Variants in LRRC17 observed in about 807,000 individuals in gnomAD.
LRRC17 encodes the protein leucine rich repeat containing 17, also known as leucine-rich repeat-containing protein 17.
LRRC17 carries 33 observed loss-of-function variants against 41.5 expected under a neutral mutation model. That is an observed-to-expected ratio of 0.80 (90% CI 0.60 to 1.06). The LOEUF is 1.06. Among genes scored for constraint, LRRC17 ranks in the 50% least tolerant of loss-of-function variants. LRRC17 has a pLI of 0.00. For synonymous variants in LRRC17, 192 were observed against 197.0 expected, an observed-to-expected ratio of 0.97 and a Z score of 0.21; for missense variants, 491 against 519.3, an observed-to-expected ratio of 0.95 and a Z score of 0.53.
intron 3 of LRRC17, chr7:102,942,366 G>C (rs1385522711): frequency 6.5e-7 from 1 of 1,531,404 alleles, no homozygotes; most frequent in African/African-American, 1.4e-5. Context: ...TGCAGTGGGA[G>C]TTGCCAGACT....
rs561168270 is a variant in LRRC17 at position 102,943,722 on chromosome 7, C to A, written c.929-488C>A. ...ATTACATATACGTTTTCAGGACAAG[C>A]AATAACGAATCCTTAAGGAAGAAGA... On this transcript the variant is annotated intron_variant, in intron 3 of 3. Transcript: ENST00000339431. Among the ~76,000 whole-genome samples, 13 of 152,284 alleles carry A rather than the reference C, an allele frequency of 8.5e-5. No homozygotes were observed. The East Asian group carries it at 2.5e-3, about 29-fold the overall frequency.
At position 102,944,727 on chromosome 7, in the gene LRRC17, C is replaced by A; in HGVS notation, c.*120C>A. 1 of 867,170 alleles carries A rather than the reference C, an allele frequency of 1.2e-6. No individual in the cohort carries two copies. Among genetic ancestry groups the A allele is most frequent in the Non-Finnish European group, 1.7e-6 (1 of 582,558 alleles). The allele number at this position is 867,170 out of a possible 1,614,324, so 53.7% of individuals were successfully genotyped here. On this transcript the variant is annotated 3_prime_UTR_variant, in exon 4 of 4. Transcript: ENST00000339431. ...TGCAGGGTAATCCAGCTAAAGGAAG[C>A]TTTCTTTAATTATAAGTATTATTGT...
At chr7:102,913,997 T>C (rs1815297465) in intron 1 of LRRC17, among the ~76,000 whole-genome samples, 1 of 152,196 alleles carries the variant, frequency 6.6e-6, no homozygotes, top group Non-Finnish European at 1.5e-5. Flanking sequence ...AGGATGAGCC[T>C]GTACTACCAT....
Position 102,919,378 on chromosome 7 carries a change from TAAAAG to T in LRRC17, c.-141+6234_-141+6238del, listed in dbSNP as rs1210563359. Among the ~76,000 whole-genome samples the T allele has an allele frequency of 2.0e-5, 3 of 152,190 alleles. No individual in the cohort carries two copies. In the East Asian group the frequency reaches 5.8e-4, roughly 29 times the overall value. ...ACAGGAATAAAATCGGATCTAAAAA[TAAAAG>T]GAGATTCTTATGATAAACTCTAAAC... On this transcript the variant is annotated intron_variant, in intron 1 of 3. Transcript: ENST00000339431.
chr7:102,917,921 T>G (rs564035024), intron 1 of LRRC17, among the ~76,000 whole-genome samples: 1 of 152,280 alleles, frequency 6.6e-6, no homozygotes, highest in Admixed American at 6.5e-5. Flanking sequence ...GGCATGAGCT[T>G]TAGGCAGCCC....
intron 2 of LRRC17, among the ~76,000 whole-genome samples, chr7:102,938,452 T>C (rs953383238): frequency 1.3e-5 from 2 of 152,212 alleles, no homozygotes; most frequent in Non-Finnish European, 2.9e-5. Context: ...GCCTGCTAAA[T>C]GGGGAAATTA....
chr7:102,934,251 A>G lies in LRRC17; in HGVS notation c.338A>G (p.Gln113Arg), dbSNP rs1819819065. 6.2e-7 allele frequency: 1 copy of G among 1,614,246 alleles called. No homozygotes were observed. The highest frequency in any genetic ancestry group is 8.5e-7 in the Non-Finnish European group (1 of 1,180,030). The stretch of plus-strand genomic sequence containing the variant: ...AAAAAGCTGAAAAGCCTGGATCTGC[A>G]GCAGAATGAGATCTCTAAAATTGAG... ...KFKKLKSLDL[Q>R]QNEISKIESE... is the part of the protein sequence containing the mutation. The change falls in exon 2 of 4, where the codon CAG becomes CGG. Residue 113 changes from glutamine to arginine, a missense_variant. Gln to Arg is a conservative substitution (Grantham distance 43). Transcript: ENST00000339431.
chr7:102,944,064 C>A, intron 3 of LRRC17, 146 bp from the exon 4 acceptor site: 1 of 631,906 alleles, frequency 1.6e-6, no homozygotes. Flanking sequence ...AAAGTAAAAG[C>A]TCTGAGAAAA....
At chr7:102,933,116 T>A (rs1227504224) in intron 1 of LRRC17, 1 of 151,896 alleles carries the variant, frequency 6.6e-6, no homozygotes, top group Non-Finnish European at 1.5e-5. Context: ...ACCCAACAAG[T>A]GGGAAGAAGT....
intron 2 of LRRC17, among the ~76,000 whole-genome samples, chr7:102,936,917 T>C (rs1170629893): frequency 6.6e-6 from 1 of 152,060 alleles, no homozygotes; most frequent in Non-Finnish European, 1.5e-5. Context: ...GCTTTTGTGT[T>C]TTTTTCCTTT....
chr7:102,943,438 A>G (rs1821855052), intron 3 of LRRC17, among the ~76,000 whole-genome samples: 1 of 152,204 alleles, frequency 6.6e-6, no homozygotes, highest in Non-Finnish European at 1.5e-5. Context: ...GTAACAATAT[A>G]TTTCACAATT....
Position 102,933,892 on chromosome 7 carries a change from T to C in LRRC17, c.-22T>C, listed in dbSNP as rs748720441. The C allele has an allele frequency of 4.4e-6, 7 of 1,573,598 alleles. No individual in the cohort carries two copies. The highest frequency in any genetic ancestry group is 1.4e-5 in the African/African-American group (1 of 73,794). On this transcript the variant is annotated 5_prime_UTR_variant, in exon 2 of 4. Transcript: ENST00000339431. ...TTGTTCCGTCTGTAACACGAAGTAATTGGGGCCAGCTGGATGTCAGGATGC... is the reference window on the plus strand; with the variant it reads ...TTGTTCCGTCTGTAACACGAAGTAACTGGGGCCAGCTGGATGTCAGGATGC...
chr7:102,925,754 C>A (rs542391216), intron 1 of LRRC17, among the ~76,000 whole-genome samples: 12 of 152,146 alleles, frequency 7.9e-5, no homozygotes, highest in African/African-American at 2.6e-4. Flanking sequence ...CCAGCCTGAC[C>A]AACATGGAGA....
In LRRC17 at chr7:102,934,193, C is replaced by T. The variant is rs148914792; in HGVS notation, c.280C>T (p.Arg94Cys). Residue 94 changes from arginine (R) to cysteine (C), a missense_variant, in exon 2 of 4, where the codon CGC becomes TGC. Arg to Cys is a radical substitution (Grantham distance 180). Transcript: ENST00000339431. ...LHMLLARNKI[R>C]TLKNNMFSKF... The stretch of plus-strand genomic sequence containing the variant: ...CATGCTGCTAGCAAGAAACAAGATC[C>T]GCACATTGAAGAACAACATGTTTTC... 2.2e-5 allele frequency: 35 copies of T among 1,614,198 alleles called. No homozygotes were observed. Among genetic ancestry groups the T allele is most frequent in the African/African-American group, 1.7e-4 (13 of 75,044 alleles).
chr7:102,931,865 G>T lies in LRRC17; in HGVS notation c.-140-1909G>T, dbSNP rs374980962. The T allele has an allele frequency of 8.7e-6, 14 of 1,609,546 alleles. No individual in the cohort carries two copies. The South Asian group carries it at 1.4e-4, about 17-fold the overall frequency. On this transcript the variant is annotated intron_variant, in intron 1 of 3. Transcript: ENST00000339431. ...AATCTATATAAACAGCAGTAAAAAT[G>T]GTTGCTTATACTCACTGTGAATGTT...
chr7:102,919,861 C>T (rs546360099), intron 1 of LRRC17, among the ~76,000 whole-genome samples: 12 of 152,082 alleles, frequency 7.9e-5, no homozygotes, highest in Admixed American at 2.0e-4. Flanking sequence ...TCAGATGAAT[C>T]AAAAGGCTAA....
At chr7:102,930,385 T>C (rs1461032301) in intron 1 of LRRC17, among the ~76,000 whole-genome samples, 1 of 152,098 alleles carries the variant, frequency 6.6e-6, no homozygotes, top group Non-Finnish European at 1.5e-5. Context: ...CCTGTTTCCA[T>C]TTCCCTGCCC....
chr7:102,935,286 C>T (rs1339827027), intron 2 of LRRC17, among the ~76,000 whole-genome samples: 4 of 119,944 alleles, frequency 3.3e-5, no homozygotes, highest in African/African-American at 1.4e-4. Context: ...GACTCTCGCT[C>T]TGATGCCCAG....
At chr7:102,916,238 C>T (rs934635811) in intron 1 of LRRC17, among the ~76,000 whole-genome samples, 1 of 152,096 alleles carries the variant, frequency 6.6e-6, no homozygotes, top group Non-Finnish European at 1.5e-5. Flanking sequence ...CCGCCCACCT[C>T]GGCCTCCCAA....
Sources: allele counts gnomAD v4.1 joint callset (sites outside exome capture counted in the v4.1 genomes callset), GRCh38; gene constraint gnomAD v4.1.1; transcripts MANE v1.5; gene names NCBI Gene and HGNC (gene_info 2026-07-23, HGNC 2026-07-21).